Variants in RCCD1 observed in about 807,000 individuals in gnomAD.
The protein encoded by RCCD1 is RCC1 domain containing 1, also known as RCC1 domain-containing protein 1.
In RCCD1, 40 loss-of-function variants were observed where a neutral mutation model predicts 37.6. The observed-to-expected ratio is 1.06, with a 90% CI of 0.83 to 1.39. The LOEUF (loss-of-function observed/expected upper bound fraction) is 1.39. Among genes scored for constraint, RCCD1 ranks in the 40% most tolerant of loss-of-function variants. RCCD1 has a pLI of 0.00. For synonymous variants in RCCD1, 263 were observed against 230.0 expected (o/e 1.14, Z -1.30); for missense variants, 577 against 517.3 (o/e 1.12, Z -1.12).
chr15:90,958,652 AAAG>A (rs2037252895), intron 4 of RCCD1, among the ~76,000 whole-genome samples: 1 of 150,930 alleles, frequency 6.6e-6, no homozygotes. Context: ...AAAAAAAAGA[AAAG>A]CTACCAGTGC....
In RCCD1 at chr15:90,957,151, G is replaced by C. The variant is rs1359604263; in HGVS notation, c.205G>C (p.Ala69Pro). 1 of 1,361,310 alleles carries C rather than the reference G, an allele frequency of 7.3e-7. No homozygotes were observed. The highest frequency in any genetic ancestry group is 9.4e-7 in the Non-Finnish European group (1 of 1,063,676). The allele number at this position is 1,361,310 out of a possible 1,614,324, so 84.3% of individuals were successfully genotyped here. A position where few individuals can be genotyped will look rare whatever the true frequency, so the allele number is the denominator to read the frequency against. The change falls in exon 3 of 8, where the codon GCG becomes CCG. Residue 69 changes from alanine (A) to proline (P), a missense_variant. Coordinates refer to ENST00000394258, the MANE Select transcript of RCCD1 (RefSeq NM_001017919.2). Reference sequence around the variant, plus strand: ...GGAGCTGTCGGGCTCAGCCAGCGGCGCGGCGGGCCGCTGCAAGGACGCGTG... The same window carrying C: ...GGAGCTGTCGGGCTCAGCCAGCGGCCCGGCGGGCCGCTGCAAGGACGCGTG... ...RLELSGSASG[A>P]AGRCKDAWAS...
rs774388178 is a variant in RCCD1, at chr15:90,961,669, G to A, written c.1031G>A (p.Arg344His). The A allele has an allele frequency of 6.2e-6, 10 of 1,614,140 alleles. No homozygotes were observed. The highest frequency in any genetic ancestry group is 2.2e-5 in the East Asian group (1 of 44,894). Reference sequence around the variant, plus strand: ...GACACCACCAGCTTGGATCGGCCTCGCCGTGTGGAATACTTTGTAGATAAG... The same window carrying A: ...GACACCACCAGCTTGGATCGGCCTCACCGTGTGGAATACTTTGTAGATAAG... ...HEDTTSLDRP[R>H]RVEYFVDKQL... Residue 344 changes from arginine to histidine, a missense_variant, in exon 8 of 8, where the codon CGC (arginine) becomes CAC (histidine). Transcript: ENST00000394258.
rs1291557186 is a variant in RCCD1, at chr15:90,960,319, A to G, written c.779-9A>G. The G allele has an allele frequency of 5.0e-6, 8 of 1,590,874 alleles. No homozygotes were observed. In the East Asian group the frequency reaches 1.8e-4, roughly 36 times the overall value. Reference sequence around the variant, plus strand: ...AGTTGGTGTTCACATCATTATTATCATTCTGAAGCCACAGAACTGAATGAA... The same window carrying G: ...AGTTGGTGTTCACATCATTATTATCGTTCTGAAGCCACAGAACTGAATGAA... On this transcript the variant is annotated splice_polypyrimidine_tract_variant and intron_variant, in intron 5 of 7. Coordinates refer to ENST00000394258, the MANE Select transcript of RCCD1 (RefSeq NM_001017919.2).
chr15:90,960,117 G>A (rs1190146726), intron 5 of RCCD1, 119 bp downstream of exon 5: 2 of 968,784 alleles, frequency 2.1e-6, no homozygotes, highest in Admixed American at 4.8e-5. Flanking sequence ...AGCCCCTTAT[G>A]GGAGGGAGCA....
chr15:90,961,697 A>G lies in RCCD1; in HGVS notation c.1059A>G (p.Gln353=), dbSNP rs755518031. 4 of 1,613,888 alleles carry G rather than the reference A, an allele frequency of 2.5e-6. No individual in the cohort carries two copies. The African/African-American group carries it at 5.3e-5, about 22-fold the overall frequency. The change falls in exon 8 of 8, where the codon CAA becomes CAG. Residue 353 remains glutamine (Q), a synonymous_variant. Transcript: ENST00000394258. ...PRRVEYFVDK[Q]LQVKAVTCGP... ...GTGTGGAATACTTTGTAGATAAGCAACTCCAAGTAAAGGCTGTCACCTGTG... is the reference window on the plus strand; with the variant it reads ...GTGTGGAATACTTTGTAGATAAGCAGCTCCAAGTAAAGGCTGTCACCTGTG...
chr15:90,955,263 T>A (rs1247828550), intron 1 of RCCD1: 1 of 152,076 alleles, frequency 6.6e-6, no homozygotes, highest in East Asian at 1.9e-4. Flanking sequence ...GGCGGCGACG[T>A]CACCGCCCTT....
intron 4 of RCCD1, among the ~76,000 whole-genome samples, chr15:90,958,347 G>C (rs1474997309): frequency 2.6e-5 from 4 of 152,120 alleles, no homozygotes; most frequent in African/African-American, 7.2e-5. Context: ...AATGCCAGGG[G>C]GCCGGGCGTA....
Position 90,957,472 on chromosome 15 carries a change from G to A in RCCD1, c.526G>A (p.Ala176Thr), listed in dbSNP as rs1219082157. 1.3e-6 allele frequency: 2 copies of A among 1,546,790 alleles called. No homozygotes were observed. The highest frequency in any genetic ancestry group is 2.7e-5 in the African/African-American group (2 of 73,584). Residue 176 changes from alanine to threonine, a missense_variant, in exon 3 of 8, where the codon GCT becomes ACT. Physicochemically the swap from Ala to Thr is moderately conservative, Grantham distance 58 (BLOSUM62 0). Coordinates refer to ENST00000394258, the MANE Select transcript of RCCD1 (RefSeq NM_001017919.2). ...CGAGCACGCGTTGCTGCTGGACGCT[G>A]CTGGCCAGGTGTTCTCCTGGGGCGG... ...GAEHALLLDA[A>T]GQVFSWGGGR...
intron 1 of RCCD1, among the ~76,000 whole-genome samples, 180 bp from the exon 2 acceptor site, chr15:90,956,432 C>T (rs2037194634): frequency 6.6e-6 from 1 of 152,194 alleles, no homozygotes. Context: ...CAGGCCACTT[C>T]GTACCCACTT....
intron 5 of RCCD1, 32 bp downstream of exon 5, chr15:90,960,030 C>G (rs373420827): frequency 6.5e-7 from 1 of 1,526,936 alleles, no homozygotes; most frequent in Admixed American, 1.7e-5. Flanking sequence ...ACAGCCGTCT[C>G]CCCAGGATGT....
chr15:90,958,925 CTCTG>C (rs1338362503), intron 4 of RCCD1, among the ~76,000 whole-genome samples: 42 of 127,798 alleles, frequency 3.3e-4, no homozygotes, highest in Non-Finnish European at 4.8e-4. Context: ...CAGAGTGAGA[CTCTG>C]TCTGTCTAAA....
In RCCD1 at chr15:90,960,386, A is replaced by G; in HGVS notation, c.837A>G (p.Gly279=). Residue 279 remains glycine (G), a synonymous_variant, in exon 6 of 8, where the codon GGA becomes GGG. Coordinates refer to ENST00000394258, the MANE Select transcript of RCCD1 (RefSeq NM_001017919.2). ...QVKRTGGAED[G]APAPFIAVQP... is the part of the protein sequence containing the mutation. ...AGAGAACGGGTGGGGCTGAGGATGG[A>G]GCCCCTGCCCCCTTCATAGCTGTCC... The G allele has an allele frequency of 1.2e-6, 2 of 1,613,742 alleles. No homozygotes were observed. Among genetic ancestry groups the G allele is most frequent in the Non-Finnish European group, 1.7e-6 (2 of 1,179,904 alleles).
rs768060862 is a variant in RCCD1, at chr15:90,957,284, A to C, written c.338A>C (p.Gln113Pro). The change falls in exon 3 of 8, where the codon CAG becomes CCG. Residue 113 changes from glutamine to proline, a missense_variant. By Grantham distance (76) the Gln-to-Pro change is moderately conservative. Coordinates refer to ENST00000394258, the MANE Select transcript of RCCD1 (RefSeq NM_001017919.2). Reference sequence around the variant, plus strand: ...CTGCGTGGGGAGCCATTGTGGGCCCAGAATGTGGTGCCCGAGGCCGAAGGG... The same window carrying C: ...CTGCGTGGGGAGCCATTGTGGGCCCCGAATGTGGTGCCCGAGGCCGAAGGG... ...SALRGEPLWA[Q>P]NVVPEAEGED... is the part of the protein sequence containing the mutation. 11 of 1,523,032 alleles carry C rather than the reference A, an allele frequency of 7.2e-6. No individual in the cohort carries two copies. The highest frequency in any genetic ancestry group is 8.8e-6 in the Non-Finnish European group (10 of 1,131,634). 94.3% of individuals were successfully genotyped at this position (1,523,032 alleles called of 1,614,324 possible).
chr15:90,959,390 G>A (rs906645239), intron 4 of RCCD1, among the ~76,000 whole-genome samples: 1 of 152,210 alleles, frequency 6.6e-6, no homozygotes, highest in Admixed American at 6.5e-5. Context: ...AGCTGCACGT[G>A]GCTTTCATCA....
rs775241923 is a variant in RCCD1 at position 90,961,978 on chromosome 15, CAATG to C, written c.*212_*215del. On this transcript the variant is annotated 3_prime_UTR_variant, in exon 8 of 8. Coordinates refer to ENST00000394258, the MANE Select transcript of RCCD1 (RefSeq NM_001017919.2). The stretch of plus-strand genomic sequence containing the variant: ...TGCCTAAGGTCAGCATCAATCAAAA[CAATG>C]AAATCAATGAAACAATGAAACCAGA... 19 of 374,610 alleles carry C rather than the reference CAATG, an allele frequency of 5.1e-5. No individual in the cohort carries two copies. The highest frequency in any genetic ancestry group is 8.2e-5 in the Non-Finnish European group (17 of 207,902). The allele number at this position is 374,610 out of a possible 1,614,324, so 23.2% of individuals were successfully genotyped here.
Position 90,956,763 on chromosome 15 carries a change from TCGGCTTCGGTTTCTG to T in RCCD1, c.39_53del (p.Phe14_Gly18del), listed in dbSNP as rs1482930508. 2.3e-6 allele frequency: 3 copies of T among 1,330,110 alleles called. No individual in the cohort carries two copies. The highest frequency in any genetic ancestry group is 3.0e-5 in the Admixed American group (1 of 32,978). The allele number at this position is 1,330,110 out of a possible 1,614,324, so 82.4% of individuals were successfully genotyped here. On this transcript the variant is annotated inframe_deletion, in exon 2 of 8. Transcript: ENST00000394258. ...GCGGAGGAGCGGCCGGGGGCCTGGTTCGGCTTCGGTTTCTGCGGCTTCGGGCAGGAGCTGGGCTCC... is the reference window on the plus strand; with the variant it reads ...GCGGAGGAGCGGCCGGGGGCCTGGTTCGGCTTCGGGCAGGAGCTGGGCTCC...
chr15:90,960,453 G>A lies in RCCD1; in HGVS notation c.904G>A (p.Ala302Thr), dbSNP rs762721279. 3.1e-6 allele frequency: 5 copies of A among 1,612,886 alleles called. No individual in the cohort carries two copies. In the Admixed American group the frequency reaches 8.3e-5, roughly 27 times the overall value. Residue 302 changes from alanine (A) to threonine (T), a missense_variant, in exon 6 of 8, where the codon GCA becomes ACA. Coordinates refer to ENST00000394258, the MANE Select transcript of RCCD1 (RefSeq NM_001017919.2). ...ACTGGATCTCCCCATGGGCTCAGAT[G>A]CAGTCAAGGCCAGCTGTGGATCCCG... ...ALLDLPMGSD[A>T]VKASCGSRHT...
intron 4 of RCCD1, 119 bp downstream of exon 4, chr15:90,957,844 C>A: frequency 7.3e-7 from 1 of 1,371,536 alleles, no homozygotes. Context: ...ATCCATCGCC[C>A]AGTCAGTTAT....
Position 90,961,043 on chromosome 15 carries a change from C to A in RCCD1, c.968C>A (p.Thr323Asn), listed in dbSNP as rs751786711. 6.2e-7 allele frequency: 1 copy of A among 1,613,702 alleles called. No homozygotes were observed. The highest frequency in any genetic ancestry group is 1.1e-5 in the South Asian group (1 of 91,064). The change falls in exon 7 of 8, where the codon ACC becomes AAC. Residue 323 changes from threonine (T) to asparagine (N), a missense_variant. Transcript: ENST00000394258. ...CTTTCAGGAACAGGGGAGCTCTACA[C>A]CTGGGGCTGGGGTAAGTAAAAGGAT... is the stretch of plus-strand genomic sequence containing the variant. ...AVVTRTGELY[T>N]WGWGKYGQLG...
Sources: gnomAD v4.1 joint callset for allele counts (sites outside exome capture counted in the v4.1 genomes callset) on GRCh38, gnomAD v4.1.1 for gene constraint, MANE v1.5 for transcripts, NCBI Gene and HGNC (gene_info 2026-07-23, HGNC 2026-07-21) for gene names.